The following TMEM272 variants were observed in gnomAD, a reference collection of about 807,000 sequenced individuals.
TMEM272 encodes long intergenic non-protein coding RNA 282.
In TMEM272, 8 loss-of-function variants were observed where a neutral mutation model predicts 3.7. That is an observed-to-expected ratio of 2.17 (90% CI 1.27 to 3.91). TMEM272 has a LOEUF of 3.91. Among genes scored for constraint, TMEM272 ranks in the 30% most tolerant of loss-of-function variants. The pLI, the probability that TMEM272 is intolerant of heterozygous loss-of-function variation, is 0.00. For missense variants in TMEM272, 166 were observed against 91.5 expected, an observed-to-expected ratio of 1.81 and a Z score of -3.32; for synonymous variants, 63 against 39.8, an observed-to-expected ratio of 1.58 and a Z score of -2.20.
At chr13:51,925,620 T>C in the TMEM272 span, among the ~76,000 whole-genome samples, 6 of 152,120 alleles carry the variant, frequency 3.9e-5, no homozygotes, top group South Asian at 2.1e-4. Flanking sequence ...TAGAGATGTG[T>C]ACCAGAGCCT....
rs370016214 is a variant in TMEM272 at position 51,836,803 on chromosome 13, C to T, written c.58+1670G>A. On this transcript the variant is annotated intron_variant, in intron 2 of 4. Coordinates refer to ENST00000629372, the MANE Select transcript of TMEM272 (RefSeq NM_001351003.2). ...AGGCAAAGAAACACATGTTGGAAGG[C>T]CCAGGGGGAAAACAGAAGCTGGTGT... Among the ~76,000 whole-genome samples, 9 of 152,106 alleles carry T rather than the reference C, an allele frequency of 5.9e-5. No individual in the cohort carries two copies. The South Asian group carries it at 6.2e-4, about 11-fold the overall frequency.
At chr13:51,874,420 A>C in the TMEM272 span, among the ~76,000 whole-genome samples, 1 of 152,196 alleles carries the variant, frequency 6.6e-6, no homozygotes, top group South Asian at 2.1e-4. Flanking sequence ...GTGCCTAGCA[A>C]ATCTTGGGCA....
intron 4 of TMEM272, among the ~76,000 whole-genome samples, chr13:51,817,614 G>A (rs529573035): frequency 1.1e-4 from 16 of 152,248 alleles, no homozygotes; most frequent in East Asian, 1.9e-4. Flanking sequence ...TCCAGGTACC[G>A]TGAGCCGTTT....
the TMEM272 span, among the ~76,000 whole-genome samples, chr13:51,911,497 C>T: frequency 2.0e-5 from 3 of 152,238 alleles, no homozygotes; most frequent in African/African-American, 4.8e-5. Flanking sequence ...ACAGATGATG[C>T]CCTGCCCTGC....
rs149518469 is a variant in TMEM272, at chr13:51,817,085, C to T, written c.230G>A (p.Arg77Lys). 1,715 of 702,794 alleles carry T rather than the reference C, an allele frequency of 2.4e-3. 21 individuals are homozygous for T. In the African/African-American group the frequency reaches 0.027, roughly 11 times the overall value. 43.5% of individuals were successfully genotyped at this position (702,794 alleles called of 1,614,324 possible). The change falls in exon 5 of 5, where the codon AGG (arginine) becomes AAG (lysine). Residue 77 changes from arginine (R) to lysine (K), a missense_variant. Transcript: ENST00000629372. ...GGCCTTGGACAGCAGCCGCCTCATC[C>T]TGGTGGAGTCGTACAACAGGAGAGA... ...KVSLLLYDST[R>K]MRRLLSKAVV... is the part of the protein sequence containing the mutation.
chr13:51,837,027 G>T (rs527249699), intron 2 of TMEM272, among the ~76,000 whole-genome samples: 1 of 152,196 alleles, frequency 6.6e-6, no homozygotes, highest in Admixed American at 6.5e-5. Flanking sequence ...GAGGGGATGG[G>T]CAAGAGGCAG....
chr13:51,862,113 C>G, the TMEM272 span: 1 of 152,274 alleles, frequency 6.6e-6, no homozygotes, highest in South Asian at 2.1e-4. Context: ...AGACAGGTCA[C>G]TGCCAGCATT....
chr13:51,821,381 GGCTATGCAC>G (rs1165561690), intron 4 of TMEM272, among the ~76,000 whole-genome samples: 1 of 152,070 alleles, frequency 6.6e-6, no homozygotes, highest in East Asian at 1.9e-4. Flanking sequence ...AACAATTGCA[GGCTATGCAC>G]GCCCCTGATA....
chr13:51,896,144 C>T, the TMEM272 span, among the ~76,000 whole-genome samples: 956 of 152,336 alleles, frequency 6.3e-3, 8 homozygotes, highest in African/African-American at 0.022. Context: ...GTCCAACACT[C>T]CACATCCCCT....
At chr13:51,925,314 C>T in the TMEM272 span, among the ~76,000 whole-genome samples, 16 of 152,220 alleles carry the variant, frequency 1.1e-4, no homozygotes, top group African/African-American at 3.9e-4. Flanking sequence ...ATTGTGTCAG[C>T]TTTCTGATAA....
the TMEM272 span, among the ~76,000 whole-genome samples, chr13:51,890,802 TG>T: frequency 6.6e-6 from 1 of 152,252 alleles, no homozygotes; most frequent in African/African-American, 2.4e-5. Flanking sequence ...TCCTTCTTTC[TG>T]CTTCTTTAGC....
chr13:51,861,146 A>C, the TMEM272 span, among the ~76,000 whole-genome samples: 1 of 152,178 alleles, frequency 6.6e-6, no homozygotes, highest in East Asian at 1.9e-4. Context: ...AATTAAAAAG[A>C]AGAAGTAAGA....
At chr13:51,909,114 T>G in the TMEM272 span, 1 of 1,458,956 alleles carries the variant, frequency 6.9e-7, no homozygotes, top group Non-Finnish European at 9.6e-7. Flanking sequence ...ATTTGGAACA[T>G]CAAGTGCATA....
the TMEM272 span, chr13:51,908,302 T>C: frequency 2.2e-4 from 237 of 1,056,570 alleles, 8 homozygotes; most frequent in South Asian, 2.7e-3. Context: ...ATCTTCAGAA[T>C]GTGGGGGTGG....
At chr13:51,922,299 G>A in the TMEM272 span, among the ~76,000 whole-genome samples, 12 of 152,338 alleles carry the variant, frequency 7.9e-5, no homozygotes, top group East Asian at 9.6e-4. Context: ...TCCCAAATGC[G>A]CTCAGCTTCA....
chr13:51,834,945 A>T (rs1956202394), intron 2 of TMEM272, among the ~76,000 whole-genome samples: 1 of 152,252 alleles, frequency 6.6e-6, no homozygotes. Flanking sequence ...GTTCTGCAGC[A>T]GAGAGCTTGA....
At chr13:51,930,132 C>T in the TMEM272 span, among the ~76,000 whole-genome samples, 1 of 152,040 alleles carries the variant, frequency 6.6e-6, no homozygotes, top group Non-Finnish European at 1.5e-5. Context: ...TGCCTTCCCC[C>T]CCCCCACTTT....
the TMEM272 span, among the ~76,000 whole-genome samples, chr13:51,863,850 G>A: frequency 2.0e-5 from 3 of 152,256 alleles, no homozygotes; most frequent in Middle Eastern, 6.8e-3. Context: ...GCCGGACCCT[G>A]GCAGCTTCCT....
intron 2 of TMEM272, among the ~76,000 whole-genome samples, chr13:51,830,579 G>C (rs750386423): frequency 3.3e-5 from 5 of 152,146 alleles, no homozygotes; most frequent in Non-Finnish European, 7.3e-5. Context: ...CGCAGGGTCT[G>C]GCACATAATA....
Sources: allele counts gnomAD v4.1 joint callset (sites outside exome capture counted in the v4.1 genomes callset), GRCh38; gene constraint gnomAD v4.1.1; transcripts MANE v1.5; gene names NCBI Gene and HGNC (gene_info 2026-07-23, HGNC 2026-07-21).